Variants in STRN observed in about 807,000 individuals in gnomAD.
STRN encodes the protein protein phosphatase 2 regulatory subunit B'''alpha.
A neutral mutation model predicts 96.3 loss-of-function variants in STRN; 53 were observed. That is an observed-to-expected ratio of 0.55 (90% CI 0.44 to 0.69). The LOEUF (loss-of-function observed/expected upper bound fraction) is 0.69. Among genes scored for constraint, STRN ranks in the 30% least tolerant of loss-of-function variants. STRN has a pLI of 0.00. For missense variants in STRN, 987 were observed against 963.9 expected (o/e 1.02, Z -0.32); for synonymous variants, 428 against 355.9 (o/e 1.20, Z -2.28).
chr2:36,939,154 A>C (rs919616095), intron 1 of STRN, among the ~76,000 whole-genome samples: 3 of 151,952 alleles, frequency 2.0e-5, no homozygotes, highest in Non-Finnish European at 4.4e-5. Flanking sequence ...GGTCAGGTCG[A>C]TCTCCTGACC....
At chr2:36,905,392 G>C in intron 4 of STRN, 148 bp downstream of exon 4, 1 of 679,372 alleles carries the variant, frequency 1.5e-6, no homozygotes, top group Non-Finnish European at 2.5e-6. Flanking sequence ...TATTTAATAT[G>C]AAAAAGGAAC....
Position 36,879,083 on chromosome 2 carries a change from G to GT in STRN, c.1187-1057dup, listed in dbSNP as rs1173611477. ...AATGTTTTGTTTATTTGTTTTTTTT[G>GT]TTTTTTAGATGGAGTCATGCTCTAT... On this transcript the variant is annotated intron_variant, in intron 9 of 17. Coordinates refer to ENST00000263918, the MANE Select transcript of STRN (RefSeq NM_003162.4). 6.7e-5 allele frequency among the ~76,000 whole-genome samples: 10 copies of GT among 148,448 alleles called. No individual in the cohort carries two copies. The East Asian group carries it at 2.0e-3, about 30-fold the overall frequency.
At chr2:36,866,443 G>A (rs1305027280) in intron 12 of STRN, among the ~76,000 whole-genome samples, 1 of 152,198 alleles carries the variant, frequency 6.6e-6, no homozygotes, top group African/African-American at 2.4e-5. Context: ...TTGCCGAGAA[G>A]TGTTTAATGG....
rs147430475 is a variant in STRN at position 36,871,704 on chromosome 2, A to G, written c.1324-1975T>C. ...ATACTTTATATGCATTAACTCACTT[A>G]GTCCTCAAAATACCTCTATGAAGAA... On this transcript the variant is annotated intron_variant, in intron 10 of 17. Transcript: ENST00000263918. Among the ~76,000 whole-genome samples the G allele has an allele frequency of 4.8e-4, 73 of 152,328 alleles. 1 individual carries two copies. The East Asian group carries it at 0.013, about 28-fold the overall frequency.
intron 3 of STRN, 47 bp from the exon 4 acceptor site, chr2:36,905,665 G>C: frequency 6.7e-7 from 1 of 1,499,314 alleles, no homozygotes; most frequent in Admixed American, 1.7e-5. Flanking sequence ...TTACGTATTA[G>C]AGGGCATCTT....
intron 3 of STRN, among the ~76,000 whole-genome samples, chr2:36,915,013 C>T (rs911662902): frequency 4.0e-5 from 6 of 151,224 alleles, no homozygotes; most frequent in African/African-American, 1.5e-4. Context: ...CTGGCTAACA[C>T]GGTGAAACCC....
Position 36,884,090 on chromosome 2 carries a change from G to T in STRN, c.1043-15C>A, listed in dbSNP as rs373964428. 2 of 1,322,458 alleles carry T rather than the reference G, an allele frequency of 1.5e-6. No individual in the cohort carries two copies. Among genetic ancestry groups the T allele is most frequent in the Non-Finnish European group, 9.7e-7 (1 of 1,026,404 alleles). The allele number at this position is 1,322,458 out of a possible 1,614,324, so 81.9% of individuals were successfully genotyped here. A position where few individuals can be genotyped will look rare whatever the true frequency, so the allele number is the denominator to read the frequency against. On this transcript the variant is annotated splice_polypyrimidine_tract_variant and intron_variant, in intron 8 of 17. Transcript: ENST00000263918. ...CCTATTGGGCCCTAGCCAAAAAAAG[G>T]GGGGGTGGGAGGAGATAAAAAAGAG... is the stretch of plus-strand genomic sequence containing the variant.
chr2:36,962,069 A>G (rs1360915223), intron 1 of STRN, among the ~76,000 whole-genome samples: 1 of 152,080 alleles, frequency 6.6e-6, no homozygotes, highest in Non-Finnish European at 1.5e-5. Flanking sequence ...TTTATTTATC[A>G]CTGTCTGCCT....
At chr2:36,858,539 C>T (rs1668405528) in intron 13 of STRN, among the ~76,000 whole-genome samples, 1 of 152,168 alleles carries the variant, frequency 6.6e-6, no homozygotes, top group Non-Finnish European at 1.5e-5. Flanking sequence ...CAGGAATCCC[C>T]AAATTCTCAA....
In STRN at chr2:36,844,522, CAG is replaced by C. The variant is rs1034638018; in HGVS notation, c.*4932_*4933del. ...TTAAAATGATTTTGAAAATTTGCAT[CAG>C]AGAGATGACAAGCATGTGGTCCTGG... On this transcript the variant is annotated 3_prime_UTR_variant, in exon 18 of 18. Coordinates refer to ENST00000263918, the MANE Select transcript of STRN (RefSeq NM_003162.4). 1 of 152,070 alleles carries C rather than the reference CAG, an allele frequency of 6.6e-6. No homozygotes were observed. Among genetic ancestry groups the C allele is most frequent in the African/African-American group, 2.4e-5 (1 of 41,402 alleles). The allele number at this position is 152,070 out of a possible 1,614,324, so 9.4% of individuals were successfully genotyped here. A position where few individuals can be genotyped will look rare whatever the true frequency, so the allele number is the denominator to read the frequency against.
Position 36,854,127 on chromosome 2 carries a change from A to T in STRN, c.1978+1085T>A, listed in dbSNP as rs1668285604. On this transcript the variant is annotated intron_variant, in intron 15 of 17. Transcript: ENST00000263918. ...TTAAAAAGCACTATTTCCACTCAGG[A>T]TGTTCACAAATTGGCCATATAATCT... is the stretch of plus-strand genomic sequence containing the variant. 2.0e-5 allele frequency among the ~76,000 whole-genome samples: 3 copies of T among 152,298 alleles called. No individual in the cohort carries two copies. In the South Asian group the frequency reaches 6.2e-4, roughly 32 times the overall value.
intron 7 of STRN, among the ~76,000 whole-genome samples, chr2:36,887,166 C>CTG (rs1669257039): frequency 6.6e-6 from 1 of 151,578 alleles, no homozygotes; most frequent in Non-Finnish European, 1.5e-5. Context: ...GGGTGGCTCA[C>CTG]GCCTATAATT....
At chr2:36,878,887 G>C (rs1428132914) in intron 9 of STRN, among the ~76,000 whole-genome samples, 5 of 151,468 alleles carry the variant, frequency 3.3e-5, no homozygotes, top group Non-Finnish European at 7.4e-5. Context: ...CGAGTAGCTG[G>C]GATTACAGGT....
chr2:36,934,316 A>G (rs936372670), intron 1 of STRN, among the ~76,000 whole-genome samples: 1 of 152,226 alleles, frequency 6.6e-6, no homozygotes, highest in African/African-American at 2.4e-5. Flanking sequence ...TAAAACCTTC[A>G]TTAAAGTTGA....
chr2:36,873,577 T>G (rs1373804534), intron 10 of STRN, among the ~76,000 whole-genome samples: 1 of 151,876 alleles, frequency 6.6e-6, no homozygotes, highest in African/African-American at 2.4e-5. Context: ...TTAATAATAA[T>G]AATAATGTTG....
intron 12 of STRN, among the ~76,000 whole-genome samples, chr2:36,861,790 G>C (rs1218059518): frequency 1.3e-5 from 2 of 151,592 alleles, no homozygotes; most frequent in Non-Finnish European, 2.9e-5. Flanking sequence ...TTAACTTTTA[G>C]TTTCAAGGTT....
intron 7 of STRN, among the ~76,000 whole-genome samples, chr2:36,889,509 T>C (rs536982537): frequency 6.6e-6 from 1 of 151,768 alleles, no homozygotes; most frequent in Non-Finnish European, 1.5e-5. Context: ...AGCCTTATAA[T>C]CTTACTAGAC....
Position 36,849,261 on chromosome 2 carries a change from C to T in STRN, c.*195G>A. ...CCTCAGGCTCACAGATTCAGCTGAG[C>T]TTGCAGCAACCTGAACAAACCTTAG... On this transcript the variant is annotated 3_prime_UTR_variant, in exon 18 of 18. Transcript: ENST00000263918. 3.2e-6 allele frequency: 2 copies of T among 617,198 alleles called. No homozygotes were observed. Among genetic ancestry groups the T allele is most frequent in the East Asian group, 2.9e-5 (1 of 34,578 alleles). The allele number at this position is 617,198 out of a possible 1,614,324, so 38.2% of individuals were successfully genotyped here.
intron 4 of STRN, among the ~76,000 whole-genome samples, chr2:36,904,862 ATGAAAT>A (rs1000862930): frequency 6.6e-6 from 1 of 152,204 alleles, no homozygotes; most frequent in African/African-American, 2.4e-5. Flanking sequence ...GAATGAATGA[ATGAAAT>A]ATATGTTAGG....
Sources: allele counts gnomAD v4.1 joint callset (sites outside exome capture counted in the v4.1 genomes callset), GRCh38; gene constraint gnomAD v4.1.1; transcripts MANE v1.5; gene names NCBI Gene and HGNC (gene_info 2026-07-23, HGNC 2026-07-21).